The following CIB3 variants were observed in gnomAD, a reference collection of about 807,000 sequenced individuals.
CIB3 encodes the protein calcium and integrin binding family member 3, also known as calcium and integrin-binding family member 3.
A neutral mutation model predicts 23.4 loss-of-function variants in CIB3; 22 were observed. The observed-to-expected ratio is 0.94, with a 90% CI of 0.67 to 1.34. CIB3 has a LOEUF of 1.34. Ranked by LOEUF, CIB3 falls within the 40% of genes most tolerant of loss-of-function variation. The pLI is 0.00. For synonymous variants in CIB3, 93 were observed against 95.8 expected (o/e 0.97, Z 0.17); for missense variants, 258 against 247.3 (o/e 1.04, Z -0.29).
chr19:16,170,794 C>A (rs1286092959), intron 2 of CIB3, among the ~76,000 whole-genome samples: 1 of 151,298 alleles, frequency 6.6e-6, no homozygotes, highest in African/African-American at 2.4e-5. Context: ...TGCACTCCAG[C>A]CTGGGCAACA....
intron 1 of CIB3, 21 bp downstream of exon 1, chr19:16,173,404 A>G (rs1447562815): frequency 6.2e-7 from 1 of 1,610,546 alleles, no homozygotes; most frequent in Non-Finnish European, 8.5e-7. Flanking sequence ...CCCACTGAGG[A>G]CCCATCCTGC....
At position 16,166,583 on chromosome 19, in the gene CIB3, T is replaced by C. The variant is rs181433711; in HGVS notation, c.346+1554A>G. On this transcript the variant is annotated intron_variant, in intron 4 of 5. Coordinates refer to ENST00000269878, the MANE Select transcript of CIB3 (RefSeq NM_054113.4). The stretch of plus-strand genomic sequence containing the variant: ...TTTCATTTATTCATTCATTCATTCA[T>C]CCATTCAGGAAGTATTTATTGAGCA... Among the ~76,000 whole-genome samples, 290 of 152,300 alleles carry C rather than the reference T, an allele frequency of 1.9e-3. 1 individual carries two copies. Among genetic ancestry groups the C allele is most frequent in the Non-Finnish European group, 2.9e-3 (197 of 68,032 alleles).
chr19:16,168,080 CAGTT>C, intron 4 of CIB3, 53 bp downstream of exon 4: 1 of 1,532,646 alleles, frequency 6.5e-7, no homozygotes, highest in Non-Finnish European at 8.8e-7. Context: ...GCCACCCACC[CAGTT>C]CCCACTCCCC....
chr19:16,168,570 G>C (rs767260304), intron 3 of CIB3, among the ~76,000 whole-genome samples: 1 of 152,170 alleles, frequency 6.6e-6, no homozygotes, highest in African/African-American at 2.4e-5. Flanking sequence ...TCTGTGATGG[G>C]CATGTGACTC....
rs755328440 is a variant in CIB3, at chr19:16,173,417, C to T, written c.51+8G>A. On this transcript the variant is annotated splice_region_variant and intron_variant, in intron 1 of 5. Coordinates refer to ENST00000269878, the MANE Select transcript of CIB3 (RefSeq NM_054113.4). ...AACCCACTGAGGACCCATCCTGCCC[C>T]CCTCTACCTGATACGCTTCCAGCTG... 10 of 1,613,182 alleles carry T rather than the reference C, an allele frequency of 6.2e-6. No homozygotes were observed. Among genetic ancestry groups the T allele is most frequent in the Non-Finnish European group, 7.6e-6 (9 of 1,179,278 alleles).
chr19:16,168,349 T>A, intron 3 of CIB3, 65 bp from the exon 4 acceptor site: 2 of 1,588,576 alleles, frequency 1.3e-6, no homozygotes, highest in Admixed American at 3.6e-5. Context: ...GTCCATGTGG[T>A]CTCACTATCA....
At chr19:16,173,340 C>A in intron 1 of CIB3, 85 bp downstream of exon 1, 2 of 1,549,978 alleles carry the variant, frequency 1.3e-6, no homozygotes, top group East Asian at 2.2e-5. Context: ...ACGGTACACC[C>A]AGATGAAGGC....
rs6512086 is a variant in CIB3, at chr19:16,164,704, A to G, written c.542+14T>C. ...ATGTGCAAATGGACTGTGGGCGGTG[A>G]CGGAGAGCATCACCTGAGGAAGTCT... On this transcript the variant is annotated intron_variant, in intron 5 of 5. Transcript: ENST00000269878. 0.84 allele frequency: 1,355,882 copies of G among 1,610,184 alleles called. 572,252 individuals carry two copies. Among genetic ancestry groups the G allele is most frequent in the East Asian group, 0.97 (43,468 of 44,802 alleles).
chr19:16,167,629 C>T (rs1280520423), intron 4 of CIB3, among the ~76,000 whole-genome samples: 3 of 151,944 alleles, frequency 2.0e-5, no homozygotes, highest in East Asian at 1.9e-4. Flanking sequence ...GTCAAGAGTT[C>T]GAGACAAGCC....
intron 1 of CIB3, 98 bp downstream of exon 1, chr19:16,173,327 C>T (rs1300035541): frequency 6.4e-6 from 10 of 1,557,478 alleles, no homozygotes; most frequent in African/African-American, 1.4e-5. Context: ...GGAACCCAGG[C>T]GGACGGTACA....
chr19:16,173,332 G>C lies in CIB3; in HGVS notation c.51+93C>G, dbSNP rs115801866. ...AGCAGAACCAGGAACCCAGGCGGAC[G>C]GTACACCCAGATGAAGGCATTCTGT... On this transcript the variant is annotated intron_variant, in intron 1 of 5. Coordinates refer to ENST00000269878, the MANE Select transcript of CIB3 (RefSeq NM_054113.4). 2.3e-3 allele frequency: 3,549 copies of C among 1,553,278 alleles called. 87 individuals carry two copies. In the African/African-American group the frequency reaches 0.043, roughly 19 times the overall value.
chr19:16,169,857 T>G lies in CIB3; in HGVS notation c.87-116A>C, dbSNP rs1310191689. 5.0e-6 allele frequency: 4 copies of G among 804,856 alleles called. No individual in the cohort carries two copies. In the African/African-American group the frequency reaches 7.2e-5, roughly 14 times the overall value. The allele number at this position is 804,856 out of a possible 1,614,324, so 49.9% of individuals were successfully genotyped here. On this transcript the variant is annotated intron_variant, in intron 2 of 5. Transcript: ENST00000269878. ...GTCTGTCACCCAGGCTGGAGTGCAGTGGCACAATCTCGGCTCACTGTAACC... is the reference window on the plus strand; with the variant it reads ...GTCTGTCACCCAGGCTGGAGTGCAGGGGCACAATCTCGGCTCACTGTAACC...
intron 5 of CIB3, 151 bp from the exon 6 acceptor site, chr19:16,161,637 C>A (rs1006308522): frequency 2.6e-5 from 17 of 662,550 alleles, no homozygotes; most frequent in Non-Finnish European, 3.5e-5. Flanking sequence ...GAGACCCCTA[C>A]AGGGGCTGAG....
At chr19:16,168,422 T>C (rs2091314728) in intron 3 of CIB3, 138 bp from the exon 4 acceptor site, 1 of 1,266,916 alleles carries the variant, frequency 7.9e-7, no homozygotes, top group Non-Finnish European at 1.1e-6. Flanking sequence ...CCATGGTCCC[T>C]GGACAGGACT....
At position 16,164,723 on chromosome 19, in the gene CIB3, G is replaced by A; in HGVS notation, c.537C>T (p.Phe179=). 1 of 1,613,732 alleles carries A rather than the reference G, an allele frequency of 6.2e-7. No homozygotes were observed. The highest frequency in any genetic ancestry group is 8.5e-7 in the Non-Finnish European group (1 of 1,179,736). ...GCGGTGACGGAGAGCATCACCTGAG[G>A]AAGTCTGGTGCCCGGAGGATCATGT... ...FQNMILRAPD[F]LSTFHIRI Residue 179 remains phenylalanine (F), a synonymous_variant, in exon 5 of 6, where the codon TTC becomes TTT. Coordinates refer to ENST00000269878, the MANE Select transcript of CIB3 (RefSeq NM_054113.4).
In CIB3 at chr19:16,169,707, G is replaced by A. The variant is rs2091320178; in HGVS notation, c.121C>T (p.Leu41Phe). Residue 41 changes from leucine to phenylalanine, a missense_variant, in exon 3 of 6, where the codon CTC (leucine) becomes TTC (phenylalanine). Coordinates refer to ENST00000269878, the MANE Select transcript of CIB3 (RefSeq NM_054113.4). ...FYRYQDLAPQ[L>F]VPLDYTTCPD... ...CAGGTGGTATAGTCGAGGGGCACGA[G>A]CTGTGGGGCCAGGTCCTGGTAGCGA... The A allele has an allele frequency of 1.2e-6, 2 of 1,612,946 alleles. No homozygotes were observed. The highest frequency in any genetic ancestry group is 1.7e-6 in the Non-Finnish European group (2 of 1,179,382).
At chr19:16,172,313 C>T (rs958527582) in intron 2 of CIB3, among the ~76,000 whole-genome samples, 2 of 152,190 alleles carry the variant, frequency 1.3e-5, no homozygotes, top group Admixed American at 6.5e-5. Context: ...CACCACCTCG[C>T]CCAGCTGATT....
chr19:16,172,164 T>C (rs2091330908), intron 2 of CIB3, among the ~76,000 whole-genome samples: 1 of 152,214 alleles, frequency 6.6e-6, no homozygotes, highest in South Asian at 2.1e-4. Flanking sequence ...TCTTTCATTT[T>C]GTTTTTCTGA....
chr19:16,162,583 C>T (rs1423908364), intron 5 of CIB3, among the ~76,000 whole-genome samples: 3 of 151,936 alleles, frequency 2.0e-5, no homozygotes, highest in Non-Finnish European at 2.9e-5. Context: ...GAAACCTTAT[C>T]TCTACTAAAA....
Sources: allele counts gnomAD v4.1 joint callset (sites outside exome capture counted in the v4.1 genomes callset), GRCh38; gene constraint gnomAD v4.1.1; transcripts MANE v1.5; gene names NCBI Gene and HGNC (gene_info 2026-07-23, HGNC 2026-07-21).